The following LIMCH1 variants were observed in gnomAD, a reference collection of about 807,000 sequenced individuals.
The protein encoded by LIMCH1 is LIM and calponin homology domains-containing protein 1.
Under a neutral mutation model 176.5 loss-of-function variants are expected in LIMCH1, and 113 were observed. That is an observed-to-expected ratio of 0.64 (90% CI 0.55 to 0.75). The LOEUF (loss-of-function observed/expected upper bound fraction) is 0.75, where lower values mean the gene tolerates loss of function less well. Ranked by LOEUF, LIMCH1 falls within the 30% of genes least tolerant of loss-of-function variation. The pLI is 0.00. For synonymous variants in LIMCH1, 619 were observed against 645.9 expected, an observed-to-expected ratio of 0.96 and a Z score of 0.63; for missense variants, 1,674 against 1,814.9, an observed-to-expected ratio of 0.92 and a Z score of 1.41.
chr4:41,370,734 C>T (rs998501121), intron 1 of LIMCH1, among the ~76,000 whole-genome samples: 5 of 152,174 alleles, frequency 3.3e-5, no homozygotes, highest in African/African-American at 1.2e-4. Context: ...AGCAAACACA[C>T]TTCTGGAACA....
intron 1 of LIMCH1, among the ~76,000 whole-genome samples, chr4:41,372,828 G>A (rs555306875): frequency 1.3e-5 from 2 of 152,334 alleles, no homozygotes; most frequent in South Asian, 4.1e-4. Context: ...AGAAGCTTAA[G>A]TGAGTTGGAA....
chr4:41,413,992 A>G (rs1476131316), intron 1 of LIMCH1, among the ~76,000 whole-genome samples: 1 of 152,200 alleles, frequency 6.6e-6, no homozygotes, highest in African/African-American at 2.4e-5. Flanking sequence ...TAGAATGGGA[A>G]ATATCATTAG....
chr4:41,620,377 C>A, intron 6 of LIMCH1, 47 bp from the exon 7 acceptor site: 1 of 1,512,436 alleles, frequency 6.6e-7, no homozygotes, highest in South Asian at 1.2e-5. Context: ...GGTCTGCTCC[C>A]CAGCCCAGTC....
chr4:41,512,685 T>A (rs2075073271), intron 2 of LIMCH1, among the ~76,000 whole-genome samples: 1 of 152,208 alleles, frequency 6.6e-6, no homozygotes, highest in South Asian at 2.1e-4. Flanking sequence ...TTTATATAAA[T>A]GTTCTGAATA....
At chr4:41,451,416 G>A (rs1025540971) in intron 1 of LIMCH1, among the ~76,000 whole-genome samples, 8 of 151,952 alleles carry the variant, frequency 5.3e-5, no homozygotes, top group Non-Finnish European at 8.8e-5. Context: ...ATGAGCCACC[G>A]TGCCCGGCCC....
chr4:41,526,730 A>G (rs2076697303), intron 3 of LIMCH1, among the ~76,000 whole-genome samples: 1 of 152,124 alleles, frequency 6.6e-6, no homozygotes, highest in Admixed American at 6.6e-5. Context: ...TCCTACTGGC[A>G]CCTCAAACTT....
At chr4:41,400,301 A>T (rs1276553988) in intron 1 of LIMCH1, among the ~76,000 whole-genome samples, 1 of 152,210 alleles carries the variant, frequency 6.6e-6, no homozygotes, top group Non-Finnish European at 1.5e-5. Flanking sequence ...AAACTGTGTC[A>T]TGGGGTACCT....
chr4:41,444,083 T>TG (rs1372327226), intron 1 of LIMCH1, among the ~76,000 whole-genome samples: 1 of 152,180 alleles, frequency 6.6e-6, no homozygotes, highest in Non-Finnish European at 1.5e-5. Context: ...ATAGCTGAAA[T>TG]GTGTGCAAGA....
rs1278754111 is a variant in LIMCH1 at position 41,624,990 on chromosome 4, GA to G, written c.726-1715del. Among the ~76,000 whole-genome samples, 4 of 152,222 alleles carry G rather than the reference GA, an allele frequency of 2.6e-5. No individual in the cohort carries two copies. The East Asian group carries it at 7.7e-4, about 29-fold the overall frequency. ...TTGCCACACTGTATTCCTTCCACAT[GA>G]AACAGTGAGCTGTGCCCCCAAAGCA... is the stretch of plus-strand genomic sequence containing the variant. On this transcript the variant is annotated intron_variant, in intron 7 of 31. Coordinates refer to ENST00000503057, the MANE Select transcript of LIMCH1 (RefSeq NM_001330672.2).
intron 3 of LIMCH1, among the ~76,000 whole-genome samples, chr4:41,530,674 G>T (rs1341820482): frequency 2.0e-5 from 3 of 151,590 alleles, no homozygotes; most frequent in Non-Finnish European, 2.9e-5. Flanking sequence ...TGGCATGGTG[G>T]TGTGTGCCCG....
rs778010114 is a variant in LIMCH1 at position 41,697,164 on chromosome 4, C to T, written c.4383C>T (p.Ala1461=). The T allele has an allele frequency of 8.1e-6, 13 of 1,613,254 alleles. No homozygotes were observed. The Admixed American group carries it at 8.3e-5, about 10-fold the overall frequency. ...CNDCYMRSRS[A]GQPTTL is the part of the protein sequence containing the mutation. ...TGTTGTTTGTTTTAATCACAGGTGC[C>T]GGGCAGCCTACAACATTGTGACACG... is the stretch of plus-strand genomic sequence containing the variant. The change falls in exon 32 of 32, where the codon GCC becomes GCT. Residue 1461 remains alanine, a synonymous_variant. Coordinates refer to ENST00000503057, the MANE Select transcript of LIMCH1 (RefSeq NM_001330672.2).
At chr4:41,547,788 T>A (rs2079725068) in intron 1 of LIMCH1, among the ~76,000 whole-genome samples, 1 of 144,100 alleles carries the variant, frequency 6.9e-6, no homozygotes, top group Non-Finnish European at 1.5e-5. Context: ...ATAATATACA[T>A]ATATTATAAA....
intron 17 of LIMCH1, among the ~76,000 whole-genome samples, chr4:41,648,945 A>G (rs1207195413): frequency 2.0e-5 from 3 of 148,978 alleles, no homozygotes; most frequent in Non-Finnish European, 3.0e-5. Context: ...GCTTGGGGCA[A>G]CTTCTGTTTC....
intron 1 of LIMCH1, among the ~76,000 whole-genome samples, chr4:41,394,583 C>T (rs1305174602): frequency 1.3e-5 from 2 of 152,062 alleles, no homozygotes; most frequent in African/African-American, 2.4e-5. Context: ...AGTGAAAATG[C>T]CAAGGAAATT....
intron 1 of LIMCH1, among the ~76,000 whole-genome samples, chr4:41,583,877 C>A (rs1368753346): frequency 6.6e-6 from 1 of 151,692 alleles, no homozygotes; most frequent in African/African-American, 2.4e-5. Flanking sequence ...GAGGACTTTT[C>A]CCCAGCTGAA....
intron 1 of LIMCH1, among the ~76,000 whole-genome samples, chr4:41,591,987 G>A (rs1290177123): frequency 6.6e-6 from 1 of 152,242 alleles, no homozygotes. Context: ...AATGACAACT[G>A]AAGAAAGAGA....
intron 1 of LIMCH1, among the ~76,000 whole-genome samples, chr4:41,559,668 G>A (rs191008984): frequency 6.6e-6 from 1 of 151,908 alleles, no homozygotes; most frequent in Non-Finnish European, 1.5e-5. Context: ...CTACTCTCAG[G>A]GTCACTAACC....
At chr4:41,398,045 A>G (rs544762896) in intron 1 of LIMCH1, among the ~76,000 whole-genome samples, 1 of 152,152 alleles carries the variant, frequency 6.6e-6, no homozygotes, top group African/African-American at 2.4e-5. Context: ...TATATGATAC[A>G]AACCCATGTC....
chr4:41,551,362 T>C (rs1561719106), intron 1 of LIMCH1: 1 of 152,238 alleles, frequency 6.6e-6, no homozygotes, highest in Non-Finnish European at 1.5e-5. Context: ...TCTTAAAATT[T>C]TCCAAAGGAG....
Sources: allele counts gnomAD v4.1 joint callset (sites outside exome capture counted in the v4.1 genomes callset), GRCh38; gene constraint gnomAD v4.1.1; transcripts MANE v1.5; gene names NCBI Gene and HGNC (gene_info 2026-07-23, HGNC 2026-07-21).